The following RNF32 variants were observed in gnomAD, a reference collection of about 807,000 sequenced individuals.
RNF32 encodes ring finger protein 32.
A neutral mutation model predicts 41.0 loss-of-function variants in RNF32; 36 were observed. The ratio of observed to expected loss-of-function variants is 0.88; its 90% CI spans 0.67 to 1.16. RNF32 has a LOEUF of 1.16. Among genes scored for constraint, RNF32 ranks in the 50% most tolerant of loss-of-function variants. The pLI is 0.00. For missense variants in RNF32, 413 were observed against 436.7 expected, an observed-to-expected ratio of 0.95 and a Z score of 0.48; for synonymous variants, 154 against 160.9, an observed-to-expected ratio of 0.96 and a Z score of 0.32.
Position 156,658,036 on chromosome 7 carries a change from A to G in RNF32, c.451-92A>G, listed in dbSNP as rs1799996117. On this transcript the variant is annotated intron_variant, in intron 5 of 8. Transcript: ENST00000317955. ...CTAAGTCTCATAGTTATGGGAGAAA[A>G]GAACACTATAATTAGAACACTAACA... 5 of 1,314,422 alleles carry G rather than the reference A, an allele frequency of 3.8e-6. No individual in the cohort carries two copies. In the East Asian group the frequency reaches 1.2e-4, roughly 30 times the overall value. 81.4% of individuals were successfully genotyped at this position (1,314,422 alleles called of 1,614,324 possible).
chr7:156,671,158 CTT>C (rs968375202), intron 7 of RNF32, among the ~76,000 whole-genome samples: 2 of 152,108 alleles, frequency 1.3e-5, no homozygotes, highest in African/African-American at 4.8e-5. Context: ...GAATAGAAAA[CTT>C]TAATTGAAAA....
At chr7:156,665,184 A>G (rs1801181956) in intron 7 of RNF32, among the ~76,000 whole-genome samples, 2 of 152,250 alleles carry the variant, frequency 1.3e-5, no homozygotes, top group African/African-American at 4.8e-5. Context: ...TAATACGGCC[A>G]TTAAAAATAA....
At chr7:156,640,226 C>A (rs1797101627), upstream of RNF32, 2 of 450,834 alleles carry the variant, frequency 4.4e-6, no homozygotes, top group South Asian at 3.1e-5. Context: ...GGGGATCCCC[C>A]AGAAAACTGC....
At chr7:156,642,795 G>C (rs1797530062) in intron 1 of RNF32, among the ~76,000 whole-genome samples, 1 of 152,212 alleles carries the variant, frequency 6.6e-6, no homozygotes, top group Admixed American at 6.5e-5. Flanking sequence ...CGGGGTACCT[G>C]GAGGAAACCC....
chr7:156,647,869 G>T (rs1798180819), intron 3 of RNF32, among the ~76,000 whole-genome samples: 1 of 152,068 alleles, frequency 6.6e-6, no homozygotes, highest in Non-Finnish European at 1.5e-5. Flanking sequence ...TTTAGTAATG[G>T]TCATTCTTGC....
In RNF32 at chr7:156,658,241, G is replaced by A; in HGVS notation, c.564G>A (p.Lys188=). 4.3e-6 allele frequency: 7 copies of A among 1,614,140 alleles called. No homozygotes were observed. Among genetic ancestry groups the A allele is most frequent in the Non-Finnish European group, 5.9e-6 (7 of 1,180,032 alleles). The change falls in exon 6 of 9, where the codon AAG becomes AAA. Residue 188 remains lysine (K), a synonymous_variant. Transcript: ENST00000317955. ...IHDGARLFRI[K]CVTRIQAYWR... ...ATGGGGCCCGCCTGTTCAGAATCAA[G>A]TGTGTGACCAGGTGAGGACGCCAGG...
intron 3 of RNF32, among the ~76,000 whole-genome samples, chr7:156,650,323 G>A (rs1375902338): frequency 6.6e-6 from 1 of 152,130 alleles, no homozygotes; most frequent in African/African-American, 2.4e-5. Context: ...CCTTCCTTCC[G>A]CTTCACCTGA....
intron 7 of RNF32, among the ~76,000 whole-genome samples, chr7:156,668,576 T>C (rs1014076992): frequency 1.1e-4 from 16 of 152,230 alleles, no homozygotes; most frequent in African/African-American, 3.9e-4. Flanking sequence ...CCCGTCCCAC[T>C]GGCTGCATCT....
upstream of RNF32, chr7:156,640,514 G>A (rs933772893): frequency 8.4e-6 from 3 of 358,810 alleles, no homozygotes; most frequent in African/African-American, 4.6e-5. Context: ...CGCCCGCTGC[G>A]CGAGCCTCGA....
chr7:156,676,287 TA>T lies in RNF32; in HGVS notation c.853-130del, dbSNP rs1220441118. On this transcript the variant is annotated intron_variant, in intron 8 of 8. Coordinates refer to ENST00000317955, the MANE Select transcript of RNF32 (RefSeq NM_030936.4). ...TATATAAATAAAATGCATGTGATTTTAACACAGAATGAAACTTCCGCATGTT... is the reference window on the plus strand; with the variant it reads ...TATATAAATAAAATGCATGTGATTTTACACAGAATGAAACTTCCGCATGTT... 7 of 1,581,202 alleles carry T rather than the reference TA, an allele frequency of 4.4e-6. No individual in the cohort carries two copies. In the African/African-American group the frequency reaches 6.7e-5, roughly 15 times the overall value.
chr7:156,656,654 C>T lies in RNF32; in HGVS notation c.418-887C>T, dbSNP rs992219954. 2.6e-5 allele frequency among the ~76,000 whole-genome samples: 4 copies of T among 152,216 alleles called. No homozygotes were observed. The East Asian group carries it at 7.7e-4, about 29-fold the overall frequency. Reference sequence around the variant, plus strand: ...CACTTTAAAAACTGTTAAGTTTTCCCCACAGCAGGCATCCTGGGCCGGCTG... The same window carrying T: ...CACTTTAAAAACTGTTAAGTTTTCCTCACAGCAGGCATCCTGGGCCGGCTG... On this transcript the variant is annotated intron_variant, in intron 4 of 8. Coordinates refer to ENST00000317955, the MANE Select transcript of RNF32 (RefSeq NM_030936.4).
chr7:156,640,895 C>T (rs1429864566), intron 1 of RNF32, 84 bp downstream of exon 1: 2 of 180,548 alleles, frequency 1.1e-5, no homozygotes, highest in Non-Finnish European at 2.3e-5. Context: ...TGAGGGCCGT[C>T]CGCGGCCTCG....
At chr7:156,662,782 G>A (rs182664919) in intron 7 of RNF32, among the ~76,000 whole-genome samples, 213 of 149,316 alleles carry the variant, frequency 1.4e-3, no homozygotes, top group African/African-American at 5.0e-3. Flanking sequence ...TGAAATGACT[G>A]AAAAAAATTA....
rs773626856 is a variant in RNF32 at position 156,675,759 on chromosome 7, G to A, written c.748G>A (p.Glu250Lys). ...YNTNIEELFAEIDQCLAINRS... is the reference protein window; with the variant it reads ...YNTNIEELFAKIDQCLAINRS... ...CACCAACATTGAAGAGCTCTTTGCA[G>A]AAATCGATCAGTGCTTGGCCATAAA... Residue 250 changes from glutamate (E) to lysine (K), a missense_variant, in exon 8 of 9, where the codon GAA (glutamate) becomes AAA (lysine). Transcript: ENST00000317955. The A allele has an allele frequency of 3.1e-6, 5 of 1,613,990 alleles. No homozygotes were observed. The African/African-American group carries it at 6.7e-5, about 22-fold the overall frequency.
intron 1 of RNF32, among the ~76,000 whole-genome samples, chr7:156,641,504 T>C (rs1477907280): frequency 1.3e-5 from 2 of 152,334 alleles, no homozygotes; most frequent in South Asian, 2.1e-4. Flanking sequence ...TCACCTGGTA[T>C]TTGGTTTTCT....
At chr7:156,661,322 ATTTTTTT>A (rs112482414) in intron 7 of RNF32, among the ~76,000 whole-genome samples, 1 of 144,212 alleles carries the variant, frequency 6.9e-6, no homozygotes. Flanking sequence ...GGGCCTTAGG[ATTTTTTT>A]TTTTTTTTGA....
intron 3 of RNF32, chr7:156,654,327 G>C (rs1422780936): frequency 5.6e-6 from 2 of 358,886 alleles, no homozygotes; most frequent in Non-Finnish European, 1.0e-5. Flanking sequence ...ATGACTGGCA[G>C]TATACAGGAG....
intron 1 of RNF32, among the ~76,000 whole-genome samples, chr7:156,642,143 G>A (rs1322093393): frequency 6.6e-6 from 1 of 152,160 alleles, no homozygotes; most frequent in Admixed American, 6.5e-5. Flanking sequence ...AACACAGTAA[G>A]TCTTCACTTA....
chr7:156,667,210 G>A (rs1359049433), intron 7 of RNF32, among the ~76,000 whole-genome samples: 1 of 152,160 alleles, frequency 6.6e-6, no homozygotes, highest in Non-Finnish European at 1.5e-5. Flanking sequence ...GTAAATTCCA[G>A]GCTTTTCATT....
Sources: allele counts gnomAD v4.1 joint callset (sites outside exome capture counted in the v4.1 genomes callset), GRCh38; gene constraint gnomAD v4.1.1; transcripts MANE v1.5; gene names NCBI Gene and HGNC (gene_info 2026-07-23, HGNC 2026-07-21).